Variants in LRP2 observed in about 807,000 individuals in gnomAD.
LRP2 encodes low-density lipoprotein receptor-related protein 2.
Under a neutral mutation model 531.0 loss-of-function variants are expected in LRP2, and 172 were observed. That is an observed-to-expected ratio of 0.32 (90% CI 0.29 to 0.37). The LOEUF (loss-of-function observed/expected upper bound fraction) is 0.37. Ranked by LOEUF, LRP2 falls within the 10% of genes least tolerant of loss-of-function variation. LRP2 has a pLI of 1.00. For synonymous variants in LRP2, 1,992 were observed against 2,027.6 expected, an observed-to-expected ratio of 0.98 and a Z score of 0.47; for missense variants, 5,167 against 5,868.3, an observed-to-expected ratio of 0.88 and a Z score of 3.90.
chr2:169,209,517 C>A lies in LRP2; in HGVS notation c.6405G>T (p.Met2135Ile). The part of the protein sequence containing the change: ...RRIKPDGSSL[M>I]NIVTHGIGEN... ...CTCCTATTCCATGTGTCACAATGTT[C>A]ATCAGAGAAGATCCATCTGGTTTAA... is the stretch of plus-strand genomic sequence containing the variant. Residue 2135 changes from methionine (M) to isoleucine (I), a missense_variant, in exon 38 of 79, where the codon ATG (methionine) becomes ATT (isoleucine). By Grantham distance (10) the Met-to-Ile change is conservative. Transcript: ENST00000649046. 1 of 1,614,132 alleles carries A rather than the reference C, an allele frequency of 6.2e-7. No individual in the cohort carries two copies. Among genetic ancestry groups the A allele is most frequent in the Non-Finnish European group, 8.5e-7 (1 of 1,179,998 alleles).
At chr2:169,176,072 C>G (rs572410995) in intron 54 of LRP2, among the ~76,000 whole-genome samples, 1 of 152,330 alleles carries the variant, frequency 6.6e-6, no homozygotes, top group East Asian at 1.9e-4. Context: ...ATGGAAAAGA[C>G]AGTGAAATTC....
intron 37 of LRP2, among the ~76,000 whole-genome samples, chr2:169,210,289 A>T: frequency 6.6e-6 from 1 of 152,156 alleles, no homozygotes; most frequent in Non-Finnish European, 1.5e-5. Context: ...GATTGCATAG[A>T]TTCCACCAAA....
intron 1 of LRP2, among the ~76,000 whole-genome samples, chr2:169,336,685 A>C (rs1480642212): frequency 6.6e-6 from 1 of 152,130 alleles, no homozygotes; most frequent in Non-Finnish European, 1.5e-5. Context: ...AACACTCCAA[A>C]CTAAATGCAA....
intron 1 of LRP2, among the ~76,000 whole-genome samples, chr2:169,342,209 A>G (rs1439838558): frequency 6.6e-6 from 1 of 152,188 alleles, no homozygotes; most frequent in East Asian, 1.9e-4. Flanking sequence ...AAAAAAAAAA[A>G]AAAGTTGAAT....
At position 169,215,013 on chromosome 2, in the gene LRP2, A is replaced by C. The variant is rs1324170748; in HGVS notation, c.5827-1143T>G. 2.0e-5 allele frequency among the ~76,000 whole-genome samples: 3 copies of C among 152,304 alleles called. No homozygotes were observed. The East Asian group carries it at 5.8e-4, about 29-fold the overall frequency. On this transcript the variant is annotated intron_variant, in intron 35 of 78. Coordinates refer to ENST00000649046, the MANE Select transcript of LRP2 (RefSeq NM_004525.3). The stretch of plus-strand genomic sequence containing the variant: ...AGGTTGGAGAGTCACACCACTAACA[A>C]GCACGTAGATTTAGAAGCTGTGCCC...
chr2:169,183,778 T>C (rs7588584), intron 50 of LRP2, among the ~76,000 whole-genome samples: 108,192 of 152,102 alleles, frequency 0.71, 38,714 homozygotes, highest in South Asian at 0.81. Flanking sequence ...GTTTAAAAAG[T>C]TATATCAAAT....
intron 64 of LRP2, 110 bp from the exon 65 acceptor site, chr2:169,156,515 A>C (rs1408937539): frequency 1.1e-5 from 13 of 1,181,868 alleles, no homozygotes; most frequent in Non-Finnish European, 1.5e-5. Flanking sequence ...AGAAGGGTAC[A>C]GATGAAAATA....
At chr2:169,181,287 C>T (rs1416244409) in intron 52 of LRP2, among the ~76,000 whole-genome samples, 161 bp downstream of exon 52, 1 of 152,164 alleles carries the variant, frequency 6.6e-6, no homozygotes, top group Non-Finnish European at 1.5e-5. Flanking sequence ...TGCACCATAC[C>T]ATAGAGCTCA....
At chr2:169,326,154 CTCCCTCTCCCTCTCCCT>C (rs1685046014) in intron 1 of LRP2, among the ~76,000 whole-genome samples, 1 of 77,572 alleles carries the variant, frequency 1.3e-5, no homozygotes, top group African/African-American at 6.7e-5. Flanking sequence ...CCCTCTCCCT[CTCCCTCTCCCTCTCCCT>C]CCCCCTCTCC....
chr2:169,289,730 C>T lies in LRP2; in HGVS notation c.923-585G>A, dbSNP rs188687607. Among the ~76,000 whole-genome samples the T allele has an allele frequency of 7.2e-5, 11 of 152,068 alleles. No individual in the cohort carries two copies. In the East Asian group the frequency reaches 2.1e-3, roughly 29 times the overall value. ...CCAAGTGACTGGAGCAAGAATAAGCCCTAGAAATATTAACTGTGGCTGGCT... is the reference window on the plus strand; with the variant it reads ...CCAAGTGACTGGAGCAAGAATAAGCTCTAGAAATATTAACTGTGGCTGGCT... On this transcript the variant is annotated intron_variant, in intron 8 of 78. Transcript: ENST00000649046.
intron 1 of LRP2, among the ~76,000 whole-genome samples, chr2:169,352,095 C>A (rs75193630): frequency 0.024 from 3,598 of 152,198 alleles, 56 homozygotes; most frequent in East Asian, 0.046. Flanking sequence ...TCTCTAGAAG[C>A]CAGTGGGCTG....
At chr2:169,255,976 C>A in intron 19 of LRP2, 130 bp downstream of exon 19, 1 of 878,326 alleles carries the variant, frequency 1.1e-6, no homozygotes, top group Non-Finnish European at 1.8e-6. Flanking sequence ...TATATAGCAC[C>A]ATTTTAAATT....
intron 1 of LRP2, among the ~76,000 whole-genome samples, chr2:169,352,854 A>G (rs1329301954): frequency 6.6e-6 from 1 of 150,424 alleles, no homozygotes; most frequent in African/African-American, 2.4e-5. Flanking sequence ...GGGGAACATC[A>G]CACACCGGGG....
At chr2:169,248,605 C>CA (rs1472802371) in intron 19 of LRP2, among the ~76,000 whole-genome samples, 8 of 152,318 alleles carry the variant, frequency 5.3e-5, no homozygotes, top group South Asian at 2.1e-4. Context: ...AAGAAATTCA[C>CA]AAAAAACAGC....
rs1689792866 is a variant in LRP2, at chr2:169,241,260, T to C, written c.3773A>G (p.Tyr1258Cys). The change falls in exon 25 of 79, where the codon TAT (tyrosine) becomes TGT (cysteine). Residue 1258 changes from tyrosine to cysteine, a missense_variant. By Grantham distance (194) the Tyr-to-Cys change is radical (BLOSUM62 -2). Transcript: ENST00000649046. ...WECDGHPDCL[Y>C]GSDEHNACVP... ...ACAGGCATTGTGCTCATCAGATCCA[T>C]AGAGGCAGTCTGGATGCCCATCACA... The C allele has an allele frequency of 6.2e-6, 10 of 1,614,180 alleles. No homozygotes were observed. The highest frequency in any genetic ancestry group is 8.5e-6 in the Non-Finnish European group (10 of 1,180,028).
At chr2:169,267,651 C>T (rs964185350) in intron 16 of LRP2, among the ~76,000 whole-genome samples, 6 of 152,072 alleles carry the variant, frequency 3.9e-5, no homozygotes, top group African/African-American at 1.4e-4. Flanking sequence ...CAGGAGAAAG[C>T]AGTAGAGATC....
Position 169,254,287 on chromosome 2 carries a change from T to C in LRP2, c.2770+1819A>G, listed in dbSNP as rs1574182416. On this transcript the variant is annotated intron_variant, in intron 19 of 78. Transcript: ENST00000649046. ...GACTGGATTAAGAAAACGTGGCACATATACACCATGGAATACTATGCAGCC... is the reference window on the plus strand; with the variant it reads ...GACTGGATTAAGAAAACGTGGCACACATACACCATGGAATACTATGCAGCC... Among the ~76,000 whole-genome samples the C allele has an allele frequency of 2.4e-5, 2 of 81,690 alleles. 1 individual carries two copies. Among genetic ancestry groups the C allele is most frequent in the African/African-American group, 1.3e-4 (2 of 15,330 alleles). 53.6% of individuals were successfully genotyped at this position (81,690 alleles called of 152,430 possible). A position where few individuals can be genotyped will look rare whatever the true frequency, so the allele number is the denominator to read the frequency against.
intron 70 of LRP2, 23 bp from the exon 71 acceptor site, chr2:169,142,816 A>T: frequency 6.2e-7 from 1 of 1,613,334 alleles, no homozygotes; most frequent in Non-Finnish European, 8.5e-7. Context: ...TGAGAACAGC[A>T]GTTAGGTCCT....
At position 169,259,010 on chromosome 2, in the gene LRP2, CAT is replaced by C. The variant is rs768396976; in HGVS notation, c.2513+13_2513+14del. ...ATACAGTTTCAAGCTCTTAGGAAAA[CAT>C]GAACACACTTACCCGGCAAAAGGAT... On this transcript the variant is annotated intron_variant, in intron 17 of 78. Coordinates refer to ENST00000649046, the MANE Select transcript of LRP2 (RefSeq NM_004525.3). 5.6e-6 allele frequency: 9 copies of C among 1,612,332 alleles called. No individual in the cohort carries two copies. The highest frequency in any genetic ancestry group is 1.1e-5 in the South Asian group (1 of 91,038).
Sources: allele counts gnomAD v4.1 joint callset (sites outside exome capture counted in the v4.1 genomes callset), GRCh38; gene constraint gnomAD v4.1.1; transcripts MANE v1.5; gene names NCBI Gene and HGNC (gene_info 2026-07-23, HGNC 2026-07-21).